ATP2B4: variants seen among roughly 807,000 people sequenced by gnomAD.
ATP2B4 encodes ATPase plasma membrane Ca2+ transporting 4.
In ATP2B4, 39 loss-of-function variants were observed where a neutral mutation model predicts 110.3. The observed-to-expected ratio is 0.35, with a 90% CI of 0.27 to 0.46. The LOEUF (loss-of-function observed/expected upper bound fraction) is 0.46, where lower values mean the gene tolerates loss of function less well. Among genes scored for constraint, ATP2B4 ranks in the 20% least tolerant of loss-of-function variants. The probability of loss-of-function intolerance (pLI) is 1.00; values close to 1 mark genes in which losing one functional copy is unlikely to be tolerated. For synonymous variants in ATP2B4, 538 were observed against 571.7 expected, an observed-to-expected ratio of 0.94 and a Z score of 0.84; for missense variants, 1,135 against 1,530.9, an observed-to-expected ratio of 0.74 and a Z score of 4.32.
chr1:203,683,021 GGAT>G lies in ATP2B4; in HGVS notation c.-184_-182del. 1 of 563,834 alleles carries G rather than the reference GGAT, an allele frequency of 1.8e-6. No individual in the cohort carries two copies. Among genetic ancestry groups the G allele is most frequent in the South Asian group, 2.7e-5 (1 of 36,720 alleles). The allele number at this position is 563,834 out of a possible 1,614,324, so 34.9% of individuals were successfully genotyped here. On this transcript the variant is annotated 5_prime_UTR_variant, in exon 2 of 21. Transcript: ENST00000357681. ...GCTGCCAGACTTCATACGGAAGAAA[GGAT>G]CTAGACTTCGGACGGCTACTCGGGA...
At chr1:203,733,646 T>G (rs1464928797) in intron 20 of ATP2B4, 1 of 442,490 alleles carries the variant, frequency 2.3e-6, no homozygotes, top group Non-Finnish European at 3.9e-6. Flanking sequence ...TGTTTTCTGA[T>G]TGTTCCTCTG....
At chr1:203,736,448 A>G (rs145309977) in intron 20 of ATP2B4, among the ~76,000 whole-genome samples, 1,918 of 152,140 alleles carry the variant, frequency 0.013, 42 homozygotes, top group African/African-American at 0.045. Context: ...AGCTTGGGCA[A>G]CAAGAGTGAA....
Position 203,705,687 on chromosome 1 carries a change from G to A in ATP2B4, c.1100-1322G>A, listed in dbSNP as rs370270500. Among the ~76,000 whole-genome samples the A allele has an allele frequency of 3.2e-4, 48 of 152,308 alleles. No homozygotes were observed. The South Asian group carries it at 9.5e-3, about 30-fold the overall frequency. ...CGGCCTCAGCCTCCCAAAGTGCTGG[G>A]ATTATAGGCGTGAGCCACTGTACCT... On this transcript the variant is annotated intron_variant, in intron 8 of 20. Transcript: ENST00000357681.
At chr1:203,729,826 TGTCTCTCAGAGGGCTTG>T in intron 20 of ATP2B4, 1 of 1,282,444 alleles carries the variant, frequency 7.8e-7, no homozygotes, top group Non-Finnish European at 1.0e-6. Flanking sequence ...GTCCTTGGTT[TGTCTCTCAGAGGGCTTG>T]GTCCCCTCTG....
At position 203,703,789 on chromosome 1, in the gene ATP2B4, C is replaced by T; in HGVS notation, c.1075C>T (p.Leu359=). 6.2e-7 allele frequency: 1 copy of T among 1,614,036 alleles called. No homozygotes were observed. Among genetic ancestry groups the T allele is most frequent in the Non-Finnish European group, 8.5e-7 (1 of 1,179,916 alleles). The change falls in exon 8 of 21, where the codon CTG becomes TTG. Residue 359 remains leucine, a synonymous_variant. Coordinates refer to ENST00000357681, the MANE Select transcript of ATP2B4 (RefSeq NM_001684.5). ...AGTGCTGCAGGGCAAGCTGACTCGC[C>T]TGGCTGTTCAGATTGGGAAAGCCGG... ...KSVLQGKLTR[L]AVQIGKAGLL... is the part of the protein sequence containing the mutation.
intron 1 of ATP2B4, among the ~76,000 whole-genome samples, chr1:203,664,678 C>G (rs2102336550): frequency 6.6e-6 from 1 of 152,280 alleles, no homozygotes; most frequent in African/African-American, 2.4e-5. Flanking sequence ...GGGCTGGCCA[C>G]TTTGACATCT....
intron 1 of ATP2B4, among the ~76,000 whole-genome samples, chr1:203,638,405 G>A (rs1248346457): frequency 3.3e-5 from 5 of 152,150 alleles, no homozygotes; most frequent in Non-Finnish European, 5.9e-5. Flanking sequence ...TTCTTTGTGG[G>A]GAGCACTCGT....
chr1:203,710,185 G>C (rs1665965049), intron 11 of ATP2B4, among the ~76,000 whole-genome samples: 1 of 152,028 alleles, frequency 6.6e-6, no homozygotes, highest in African/African-American at 2.4e-5. Context: ...GACCAACATG[G>C]TGAAACCCTG....
At chr1:203,732,040 G>A (rs927046132) in intron 20 of ATP2B4, among the ~76,000 whole-genome samples, 26 of 151,392 alleles carry the variant, frequency 1.7e-4, no homozygotes, top group African/African-American at 6.1e-4. Context: ...TAGCCAGCCT[G>A]GTGGCGGGTG....
intron 20 of ATP2B4, among the ~76,000 whole-genome samples, chr1:203,729,024 A>G (rs1037147508): frequency 6.6e-5 from 10 of 151,746 alleles, no homozygotes; most frequent in African/African-American, 2.2e-4. Context: ...AGGCTGAGGC[A>G]GGAAAATCGC....
At chr1:203,691,633 T>C (rs1230250414) in intron 2 of ATP2B4, among the ~76,000 whole-genome samples, 1 of 152,238 alleles carries the variant, frequency 6.6e-6, no homozygotes, top group Non-Finnish European at 1.5e-5. Context: ...TTCATCATCC[T>C]CTGGCTGTGA....
intron 1 of ATP2B4, among the ~76,000 whole-genome samples, chr1:203,673,371 C>T (rs1381336834): frequency 1.3e-5 from 2 of 152,228 alleles, no homozygotes; most frequent in African/African-American, 2.4e-5. Flanking sequence ...ATGATCAGTT[C>T]GCTTTCCAAA....
At chr1:203,720,471 G>A (rs565734427) in intron 15 of ATP2B4, 78 bp from the exon 16 acceptor site, 116 of 1,411,568 alleles carry the variant, frequency 8.2e-5, no homozygotes, top group Non-Finnish European at 1.0e-4. Flanking sequence ...CACTGACTTC[G>A]GAAGCTTCCT....
chr1:203,720,869 G>A (rs1666300955), intron 16 of ATP2B4, 129 bp downstream of exon 16: 16 of 1,138,326 alleles, frequency 1.4e-5, no homozygotes, highest in Non-Finnish European at 1.8e-5. Context: ...ACAGGAGTTA[G>A]CTCTTCTAAG....
chr1:203,629,730 C>CT lies in ATP2B4; in HGVS notation c.-465+2513dup, dbSNP rs1663205724. On this transcript the variant is annotated intron_variant, in intron 1 of 20. Coordinates refer to ENST00000357681, the MANE Select transcript of ATP2B4 (RefSeq NM_001684.5). The surrounding 1 kb of genome is among the most constrained non-coding windows in gnomAD (Gnocchi z 4.6). ...ATGCGAACCGAGCGGCGAACGGAGG[C>CT]TTCCTGCCTCCCAGGTTGTGCCGAG... Among the ~76,000 whole-genome samples the CT allele has an allele frequency of 6.6e-6, 1 of 152,206 alleles. No homozygotes were observed. Among genetic ancestry groups the CT allele is most frequent in the Non-Finnish European group, 1.5e-5 (1 of 68,034 alleles).
chr1:203,657,454 G>A lies in ATP2B4; in HGVS notation c.-464-25288G>A. 9 of 785,000 alleles carry A rather than the reference G, an allele frequency of 1.1e-5. No individual in the cohort carries two copies. The Middle Eastern group carries it at 1.1e-3, about 94-fold the overall frequency. 48.6% of individuals were successfully genotyped at this position (785,000 alleles called of 1,614,324 possible). A position where few individuals can be genotyped will look rare whatever the true frequency, so the allele number is the denominator to read the frequency against. The stretch of plus-strand genomic sequence containing the variant: ...ATCATATTGGAAAGTACTTTGGCTC[G>A]AGATTGTCCCTCTCTGTCCAGCAGA... On this transcript the variant is annotated intron_variant, in intron 1 of 20. Transcript: ENST00000357681.
In ATP2B4 at chr1:203,723,866, C is replaced by A; in HGVS notation, c.3025-15C>A. 1 of 1,590,382 alleles carries A rather than the reference C, an allele frequency of 6.3e-7. No individual in the cohort carries two copies. Among genetic ancestry groups the A allele is most frequent in the African/African-American group, 1.4e-5 (1 of 73,812 alleles). On this transcript the variant is annotated splice_polypyrimidine_tract_variant and intron_variant, in intron 18 of 20. Coordinates refer to ENST00000357681, the MANE Select transcript of ATP2B4 (RefSeq NM_001684.5). ...TCATTTCCTTGATGGTGGGCTGCCCCTTTCTCTGTTCTAGATTTTCATCGT... is the reference window on the plus strand; with the variant it reads ...TCATTTCCTTGATGGTGGGCTGCCCATTTCTCTGTTCTAGATTTTCATCGT...
At chr1:203,680,060 C>CAAAAAAA (rs71145014) in intron 1 of ATP2B4, among the ~76,000 whole-genome samples, 1 of 120,656 alleles carries the variant, frequency 8.3e-6, no homozygotes, top group African/African-American at 3.1e-5. Context: ...GACTCTTTCT[C>CAAAAAAA]AAAAAAAAAA....
At chr1:203,735,012 A>C (rs1366848745) in intron 20 of ATP2B4, among the ~76,000 whole-genome samples, 1 of 151,474 alleles carries the variant, frequency 6.6e-6, no homozygotes, top group Non-Finnish European at 1.5e-5. Flanking sequence ...CAAAAAAAAA[A>C]AAAAAAAAAA....
Sources: allele counts gnomAD v4.1 joint callset (sites outside exome capture counted in the v4.1 genomes callset), GRCh38; gene constraint gnomAD v4.1.1; non-coding constraint Gnocchi (gnomAD v3.1); transcripts MANE v1.5; gene names NCBI Gene and HGNC (gene_info 2026-07-23, HGNC 2026-07-21).